Variants in TBC1D4 observed in about 807,000 individuals in gnomAD.
The protein encoded by TBC1D4 is TBC (Tre-2, BUB2, CDC16) domain-containing protein.
TBC1D4 carries 121 observed loss-of-function variants against 142.5 expected under a neutral mutation model. The ratio of observed to expected loss-of-function variants is 0.85; its 90% CI spans 0.73 to 0.99. The LOEUF is 0.99. TBC1D4 is among the 50% of genes least tolerant of loss of function. TBC1D4 has a pLI of 0.00. For synonymous variants in TBC1D4, 630 were observed against 628.2 expected (o/e 1.00, Z -0.04); for missense variants, 1,475 against 1,606.6 (o/e 0.92, Z 1.40).
intron 1 of TBC1D4, among the ~76,000 whole-genome samples, chr13:75,434,944 T>G (rs1216412546): frequency 6.7e-6 from 1 of 149,768 alleles, no homozygotes; most frequent in African/African-American, 2.5e-5. Flanking sequence ...GGTTAGGCAT[T>G]CGAGATTGGC....
chr13:75,315,403 C>CAT (rs72058258), intron 12 of TBC1D4, among the ~76,000 whole-genome samples: 33 of 144,642 alleles, frequency 2.3e-4, no homozygotes, highest in South Asian at 8.8e-4. Flanking sequence ...TATATACACA[C>CAT]ATATATATAT....
chr13:75,436,668 A>C (rs1886813639), intron 1 of TBC1D4, among the ~76,000 whole-genome samples: 2 of 151,992 alleles, frequency 1.3e-5, no homozygotes, highest in South Asian at 2.1e-4. Context: ...AAAAAAAAAA[A>C]ACAAAAAACA....
chr13:75,286,834 GT>G lies in TBC1D4; in HGVS notation c.3854del (p.Asn1285ThrfsTer10). 2 of 1,613,918 alleles carry G rather than the reference GT, an allele frequency of 1.2e-6. No homozygotes were observed. Among genetic ancestry groups the G allele is most frequent in the East Asian group, 4.5e-5 (2 of 44,880 alleles). On this transcript the variant is annotated frameshift_variant, in exon 21 of 21. Transcript: ENST00000377636. LOFTEE classifies it high-confidence loss of function. ...TCTTGGCTTTGTTGTTAGGGTTGCA[GT>G]TTAGGTCTCTCAGCAACAGGTCACA... Reference protein sequence around the residue: ...VNCDLLLRDLNCNPNNKAKIG... With the variant: ...VNCDLLLRDLXCNPNNKAKIG...
intron 1 of TBC1D4, among the ~76,000 whole-genome samples, chr13:75,464,633 T>C (rs1163154627): frequency 4.6e-5 from 7 of 152,226 alleles, no homozygotes; most frequent in Admixed American, 1.3e-4. Context: ...TTAATTCCTC[T>C]AGCACCACTG....
intron 15 of TBC1D4, among the ~76,000 whole-genome samples, chr13:75,303,493 T>G (rs2137896027): frequency 6.6e-6 from 1 of 152,306 alleles, no homozygotes; most frequent in South Asian, 2.1e-4. Flanking sequence ...ACTATGTTTT[T>G]TATGCCAAGG....
intron 1 of TBC1D4, among the ~76,000 whole-genome samples, chr13:75,405,644 T>G (rs1052818872): frequency 6.6e-6 from 1 of 152,196 alleles, no homozygotes; most frequent in African/African-American, 2.4e-5. Flanking sequence ...GAAAGGGAAG[T>G]TATTTTTCTT....
chr13:75,390,294 A>AAAG (rs1884401266), intron 1 of TBC1D4, among the ~76,000 whole-genome samples: 1 of 150,178 alleles, frequency 6.7e-6, no homozygotes, highest in African/African-American at 2.5e-5. Flanking sequence ...AAAAAAAAAA[A>AAAG]CAGGAGAAAG....
chr13:75,448,959 A>T (rs1332175308), intron 1 of TBC1D4, among the ~76,000 whole-genome samples: 1 of 152,088 alleles, frequency 6.6e-6, no homozygotes, highest in African/African-American at 2.4e-5. Flanking sequence ...TGCCTCCTAA[A>T]ATGTGAAAGT....
intron 12 of TBC1D4, chr13:75,316,557 CTGCTTTTAA>C (rs1302896609): frequency 6.6e-6 from 1 of 152,196 alleles, no homozygotes; most frequent in African/African-American, 2.4e-5. Flanking sequence ...AAAAGCAGCT[CTGCTTTTAA>C]TAAGAGAAGA....
At chr13:75,455,352 T>C (rs190835507) in intron 1 of TBC1D4, among the ~76,000 whole-genome samples, 1 of 152,198 alleles carries the variant, frequency 6.6e-6, no homozygotes, top group Non-Finnish European at 1.5e-5. Context: ...CTATTTGTGC[T>C]TACTATACAA....
chr13:75,379,370 T>C (rs982524004), intron 1 of TBC1D4, among the ~76,000 whole-genome samples: 1 of 152,176 alleles, frequency 6.6e-6, no homozygotes, highest in Non-Finnish European at 1.5e-5. Flanking sequence ...TGTATGACAG[T>C]ATATTCATTT....
chr13:75,390,550 AT>A (rs1308855464), intron 1 of TBC1D4, among the ~76,000 whole-genome samples: 2 of 152,072 alleles, frequency 1.3e-5, no homozygotes, highest in Non-Finnish European at 2.9e-5. Context: ...TCCCATTCTC[AT>A]TTAGTAATGG....
Position 75,324,404 on chromosome 13 carries a change from G to A in TBC1D4, c.2034-3C>T. On this transcript the variant is annotated splice_region_variant and splice_polypyrimidine_tract_variant and intron_variant, in intron 10 of 20. Transcript: ENST00000377636. ...TGCGTCGAACTGACGAAAGATTGCT[G>A]AGTACAGAAAATACAGCAAATATGT... 1.2e-6 allele frequency: 2 copies of A among 1,613,772 alleles called. No homozygotes were observed. Among genetic ancestry groups the A allele is most frequent in the Non-Finnish European group, 8.5e-7 (1 of 1,179,788 alleles).
intron 13 of TBC1D4, 76 bp from the exon 14 acceptor site, chr13:75,310,227 C>G: frequency 7.2e-7 from 1 of 1,385,814 alleles, no homozygotes; most frequent in Non-Finnish European, 1.0e-6. Flanking sequence ...AATTCACATT[C>G]TCATCTGATC....
At chr13:75,342,248 C>T (rs1283310614) in intron 5 of TBC1D4, among the ~76,000 whole-genome samples, 1 of 152,088 alleles carries the variant, frequency 6.6e-6, no homozygotes, top group African/African-American at 2.4e-5. Flanking sequence ...CGATACTGAG[C>T]ACAACCAGAT....
rs115520718 is a variant in TBC1D4, at chr13:75,401,170, T to C, written c.499-38563A>G. 1.5e-3 allele frequency among the ~76,000 whole-genome samples: 228 copies of C among 152,278 alleles called. 1 individual carries two copies. Among genetic ancestry groups the C allele is most frequent in the African/African-American group, 5.1e-3 (214 of 41,570 alleles). On this transcript the variant is annotated intron_variant, in intron 1 of 20. Transcript: ENST00000377636. ...AAGGAAAATATTTTCAAAAAGGAAG[T>C]TCTACATACTCCCCTTCTCCCTGAC...
intron 1 of TBC1D4, among the ~76,000 whole-genome samples, chr13:75,426,875 G>C (rs1886390663): frequency 1.3e-5 from 1 of 76,672 alleles, no homozygotes; most frequent in African/African-American, 3.5e-5. Flanking sequence ...GACCCTGTCT[G>C]GAAAAAATAC....
intron 1 of TBC1D4, among the ~76,000 whole-genome samples, chr13:75,364,227 T>C (rs1191360517): frequency 6.6e-6 from 1 of 152,168 alleles, no homozygotes; most frequent in East Asian, 1.9e-4. Context: ...TCCTTGCTAT[T>C]TCTCCAACAT....
chr13:75,374,355 T>C (rs1322969267), intron 1 of TBC1D4, among the ~76,000 whole-genome samples: 1 of 152,174 alleles, frequency 6.6e-6, no homozygotes, highest in Non-Finnish European at 1.5e-5. Flanking sequence ...AATTTTTACT[T>C]CTCAAATTTT....
Sources: allele counts gnomAD v4.1 joint callset (sites outside exome capture counted in the v4.1 genomes callset), GRCh38; gene constraint gnomAD v4.1.1; transcripts MANE v1.5; gene names NCBI Gene and HGNC (gene_info 2026-07-23, HGNC 2026-07-21).